Variants in AKAP19 observed in about 807,000 individuals in gnomAD.
AKAP19 encodes A-kinase anchoring protein 19, also known as small A-kinase anchoring protein.
At chr2:190,172,400 C>T in the AKAP19 span, among the ~76,000 whole-genome samples, 1 of 152,138 alleles carries the variant, frequency 6.6e-6, no homozygotes, top group Non-Finnish European at 1.5e-5. Context: ...AATATAACAT[C>T]CATGGTATAG....
chr2:189,932,182 G>A, the AKAP19 span, among the ~76,000 whole-genome samples: 15 of 151,800 alleles, frequency 9.9e-5, no homozygotes, highest in East Asian at 1.9e-4. Context: ...ACAAATGGTC[G>A]TTAAAAAGTG....
the AKAP19 span, among the ~76,000 whole-genome samples, chr2:190,184,817 G>C: frequency 6.6e-6 from 1 of 150,588 alleles, no homozygotes; most frequent in Non-Finnish European, 1.5e-5. Context: ...TGATGGGAGA[G>C]GAAATTTCCT....
chr2:190,127,787 A>G, the AKAP19 span, among the ~76,000 whole-genome samples: 575 of 152,224 alleles, frequency 3.8e-3, 2 homozygotes, highest in African/African-American at 0.013. Flanking sequence ...CATTCCACCA[A>G]CAGTCCCAGA....
At chr2:190,073,020 CA>C in the AKAP19 span, among the ~76,000 whole-genome samples, 1 of 151,972 alleles carries the variant, frequency 6.6e-6, no homozygotes, top group East Asian at 1.9e-4. Flanking sequence ...TCAGAAACAG[CA>C]AAGTAATCGA....
the AKAP19 span, among the ~76,000 whole-genome samples, chr2:190,144,199 A>G: frequency 2.0e-5 from 3 of 150,162 alleles, no homozygotes; most frequent in African/African-American, 7.3e-5. Flanking sequence ...AAAAAATATT[A>G]ATAAAATTAT....
the AKAP19 span, among the ~76,000 whole-genome samples, chr2:190,164,454 C>T: frequency 0.013 from 1,949 of 152,172 alleles, 36 homozygotes; most frequent in African/African-American, 0.044. Context: ...TTGCTTGAGC[C>T]GTGGGGTGGA....
chr2:190,150,287 C>T, the AKAP19 span: 1 of 152,312 alleles, frequency 6.6e-6, no homozygotes, highest in African/African-American at 2.4e-5. Flanking sequence ...TTCCTTCTCC[C>T]TGTGGAGTTT....
chr2:190,148,734 A>G, the AKAP19 span, among the ~76,000 whole-genome samples: 1 of 151,990 alleles, frequency 6.6e-6, no homozygotes, highest in Non-Finnish European at 1.5e-5. Flanking sequence ...TTAAGCTAGG[A>G]GGATTGTATT....
the AKAP19 span, among the ~76,000 whole-genome samples, chr2:190,063,615 C>T: frequency 6.6e-6 from 1 of 152,044 alleles, no homozygotes; most frequent in African/African-American, 2.4e-5. Flanking sequence ...AGTATCTATT[C>T]TCTATAAATT....
At chr2:189,919,089 C>T in the AKAP19 span, among the ~76,000 whole-genome samples, 4 of 152,186 alleles carry the variant, frequency 2.6e-5, no homozygotes, top group Non-Finnish European at 4.4e-5. Flanking sequence ...AAAGACTATA[C>T]GTAGGGTTTG....
chr2:190,157,999 A>C, the AKAP19 span, among the ~76,000 whole-genome samples: 1 of 152,246 alleles, frequency 6.6e-6, no homozygotes, highest in African/African-American at 2.4e-5. Context: ...GTAGTTAAAA[A>C]TCAACTCATG....
the AKAP19 span, among the ~76,000 whole-genome samples, chr2:190,098,301 C>G: frequency 6.6e-6 from 1 of 152,250 alleles, no homozygotes; most frequent in East Asian, 1.9e-4. Flanking sequence ...GATGTGTTCA[C>G]AAGCATGAAA....
At chr2:190,181,236 C>G in the AKAP19 span, 3 of 809,440 alleles carry the variant, frequency 3.7e-6, no homozygotes, top group Non-Finnish European at 4.5e-6. Flanking sequence ...TTTAATTAAA[C>G]GAGACCGTTC....
the AKAP19 span, among the ~76,000 whole-genome samples, chr2:190,197,561 CAG>C: frequency 6.6e-6 from 1 of 152,156 alleles, no homozygotes; most frequent in Non-Finnish European, 1.5e-5. This position sits in a 1 kb window ranked among gnomAD's most constrained non-coding sequence, Gnocchi z 4.0. Flanking sequence ...TCTGTTGCAT[CAG>C]AGTTGCCACT....
chr2:190,071,284 C>T, the AKAP19 span, among the ~76,000 whole-genome samples: 1 of 152,092 alleles, frequency 6.6e-6, no homozygotes, highest in Non-Finnish European at 1.5e-5. Context: ...CCCATCTCTA[C>T]AAAAAATAAA....
the AKAP19 span, among the ~76,000 whole-genome samples, chr2:190,088,154 T>A: frequency 1.3e-5 from 2 of 152,158 alleles, no homozygotes; most frequent in South Asian, 4.1e-4. Context: ...CTTCCATAAC[T>A]ACCTAAGAAT....
At chr2:190,111,286 T>A in the AKAP19 span, among the ~76,000 whole-genome samples, 1 of 152,194 alleles carries the variant, frequency 6.6e-6, no homozygotes, top group Non-Finnish European at 1.5e-5. Context: ...TTGCTTTGCT[T>A]CTTTCCACCC....
chr2:190,189,438 G>C, the AKAP19 span, among the ~76,000 whole-genome samples: 1 of 152,188 alleles, frequency 6.6e-6, no homozygotes, highest in African/African-American at 2.4e-5. Flanking sequence ...TATTAGATGG[G>C]AAGAGATGAT....
At chr2:190,189,729 C>G in the AKAP19 span, 1 of 152,214 alleles carries the variant, frequency 6.6e-6, no homozygotes, top group Non-Finnish European at 1.5e-5. Flanking sequence ...ACAAAAGACT[C>G]TCACATCCAA....
Sources: allele counts gnomAD v4.1 joint callset (sites outside exome capture counted in the v4.1 genomes callset), GRCh38; gene constraint gnomAD v4.1.1; non-coding constraint Gnocchi (gnomAD v3.1); transcripts MANE v1.5; gene names NCBI Gene and HGNC (gene_info 2026-07-23, HGNC 2026-07-21).